TRIM28: variants seen among roughly 807,000 people sequenced by gnomAD.
The protein encoded by TRIM28 is tripartite motif containing 28, also known as transcription intermediary factor 1-beta.
A neutral mutation model predicts 87.4 loss-of-function variants in TRIM28; 8 were observed. The observed-to-expected ratio is 0.09, with a 90% CI of 0.05 to 0.17. TRIM28 has a LOEUF of 0.17. Ranked by LOEUF, TRIM28 falls within the 10% of genes least tolerant of loss-of-function variation. The pLI, the probability that TRIM28 is intolerant of heterozygous loss-of-function variation, is 1.00. For missense variants in TRIM28, 968 were observed against 1,131.8 expected (o/e 0.86, Z 2.08); for synonymous variants, 601 against 454.3 (o/e 1.32, Z -4.11).
Position 58,548,843 on chromosome 19 carries a change from T to C in TRIM28, c.1361-19T>C. 6.2e-7 allele frequency: 1 copy of C among 1,614,042 alleles called. No individual in the cohort carries two copies. The highest frequency in any genetic ancestry group is 1.1e-5 in the South Asian group (1 of 91,084). On this transcript the variant is annotated intron_variant, in intron 10 of 16. Coordinates refer to ENST00000253024, the MANE Select transcript of TRIM28 (RefSeq NM_005762.3). Reference sequence around the variant, plus strand: ...TGTTTCTACCCCAACCTGCCAGTCTTCTTTCTCCATTTTCTAAGGAGATGA... The same window carrying C: ...TGTTTCTACCCCAACCTGCCAGTCTCCTTTCTCCATTTTCTAAGGAGATGA...
At position 58,548,496 on chromosome 19, in the gene TRIM28, G is replaced by A; in HGVS notation, c.1227G>A (p.Val409=). 6.2e-7 allele frequency: 1 copy of A among 1,614,082 alleles called. No homozygotes were observed. Among genetic ancestry groups the A allele is most frequent in the Non-Finnish European group, 8.5e-7 (1 of 1,180,026 alleles). The change falls in exon 9 of 17, where the codon GTG becomes GTA. Residue 409 remains valine (V), a synonymous_variant. Coordinates refer to ENST00000253024, the MANE Select transcript of TRIM28 (RefSeq NM_005762.3). The part of the protein sequence containing the change: ...TKSAEAFGKI[V]AERPGTNSTG... ...CTCTTCTTTTTGCAGGCAAGATTGT[G>A]GCAGAGCGTCCTGGCACTAACTCAA...
rs2053777282 is a variant in TRIM28, at chr19:58,548,081, C to T, written c.1002C>T (p.Thr334=). ...AGCGCCTGGAGCGGCAGCACTGGAC[C>T]ATGACCAAGATCCAGAAGCACCAGG... ...QQERLERQHW[T]MTKIQKHQEH... The change falls in exon 7 of 17, where the codon ACC becomes ACT. Residue 334 remains threonine, a synonymous_variant. Transcript: ENST00000253024. 1.2e-6 allele frequency: 2 copies of T among 1,614,182 alleles called. No homozygotes were observed. The highest frequency in any genetic ancestry group is 1.7e-6 in the Non-Finnish European group (2 of 1,180,024).
At position 58,550,506 on chromosome 19, in the gene TRIM28, G is replaced by C; in HGVS notation, c.2461G>C (p.Gly821Arg). Residue 821 changes from glycine (G) to arginine (R), a missense_variant, in exon 17 of 17, where the codon GGC becomes CGC. Coordinates refer to ENST00000253024, the MANE Select transcript of TRIM28 (RefSeq NM_005762.3). ...EPPPMSLPGA[G>R]LSSQELSGGP... The stretch of plus-strand genomic sequence containing the variant: ...CCCGCCGATGAGCCTGCCTGGTGCT[G>C]GCCTGAGTTCCCAGGAGCTGTCTGG... 2.5e-6 allele frequency: 4 copies of C among 1,612,528 alleles called. No individual in the cohort carries two copies. The highest frequency in any genetic ancestry group is 3.4e-6 in the Non-Finnish European group (4 of 1,179,992).
At position 58,544,741 on chromosome 19, in the gene TRIM28, C is replaced by A; in HGVS notation, c.-17C>A. On this transcript the variant is annotated 5_prime_UTR_variant, in exon 1 of 17. Coordinates refer to ENST00000253024, the MANE Select transcript of TRIM28 (RefSeq NM_005762.3). ...CGCGCCCCTCCTCCCCCCCTGGGCGCCCCCGGCGGCGTGTGAATGGCGGCC... is the reference window on the plus strand; with the variant it reads ...CGCGCCCCTCCTCCCCCCCTGGGCGACCCCGGCGGCGTGTGAATGGCGGCC... 1.9e-6 allele frequency: 2 copies of A among 1,068,584 alleles called. No homozygotes were observed. Among genetic ancestry groups the A allele is most frequent in the Non-Finnish European group, 2.3e-6 (2 of 884,732 alleles). The allele number at this position is 1,068,584 out of a possible 1,614,324, so 66.2% of individuals were successfully genotyped here. A position where few individuals can be genotyped will look rare whatever the true frequency, so the allele number is the denominator to read the frequency against.
rs757495995 is a variant in TRIM28 at position 58,549,340 on chromosome 19, A to G, written c.1672A>G (p.Thr558Ala). ...AGMAIVKEEE[T>A]EAAIGAPPTA... ...CATCACCACCTTGCAGGAGGAGGAG[A>G]CGGAGGCTGCCATTGGAGCCCCTCC... Residue 558 changes from threonine to alanine, a missense_variant, in exon 13 of 17, where the codon ACG (threonine) becomes GCG (alanine). Coordinates refer to ENST00000253024, the MANE Select transcript of TRIM28 (RefSeq NM_005762.3). This position sits in a 1 kb window ranked among gnomAD's most constrained non-coding sequence, Gnocchi z 4.4. 1.5e-5 allele frequency: 23 copies of G among 1,565,586 alleles called. No homozygotes were observed. The highest frequency in any genetic ancestry group is 1.9e-5 in the Non-Finnish European group (22 of 1,152,894).
At chr19:58,545,638 G>C (rs2053754976) in intron 2 of TRIM28, 101 bp downstream of exon 2, 2 of 1,502,946 alleles carry the variant, frequency 1.3e-6, no homozygotes, top group South Asian at 1.2e-5. Context: ...ACTTTCCCAA[G>C]GCTCTGGGTG....
At position 58,549,275 on chromosome 19, in the gene TRIM28, G is replaced by T; in HGVS notation, c.1662+35G>T. The T allele has an allele frequency of 2.5e-6, 4 of 1,600,326 alleles. No homozygotes were observed. Among genetic ancestry groups the T allele is most frequent in the Non-Finnish European group, 3.4e-6 (4 of 1,171,156 alleles). ...TCCCAAGGAACTATAGCTGTAGGAT[G>T]AAGCCTGTAGTCCAGGTCTGGACCC... On this transcript the variant is annotated intron_variant, in intron 12 of 16. Coordinates refer to ENST00000253024, the MANE Select transcript of TRIM28 (RefSeq NM_005762.3). The surrounding 1 kb of genome is among the most constrained non-coding windows in gnomAD (Gnocchi z 4.4).
At chr19:58,545,600 C>T in intron 2 of TRIM28, 63 bp downstream of exon 2, 2 of 1,503,550 alleles carry the variant, frequency 1.3e-6, no homozygotes, top group Non-Finnish European at 1.8e-6. Flanking sequence ...GCAGGAGGAG[C>T]TTGGCACCAG....
chr19:58,549,654 AGT>A lies in TRIM28; in HGVS notation c.1982+8_1982+9del. ...CGGCCCTGCAGGATGTACCAGGGTGAGTGTGAGGCTGGTGGGGGTCAAGTCTG... is the reference window on the plus strand; with the variant it reads ...CGGCCCTGCAGGATGTACCAGGGTGAGTGAGGCTGGTGGGGGTCAAGTCTG... On this transcript the variant is annotated splice_donor_5th_base_variant and intron_variant, in intron 13 of 16. Transcript: ENST00000253024. The surrounding 1 kb of genome is among the most constrained non-coding windows in gnomAD (Gnocchi z 4.4). The A allele has an allele frequency of 1.9e-6, 3 of 1,607,830 alleles. No homozygotes were observed. Among genetic ancestry groups the A allele is most frequent in the Non-Finnish European group, 1.7e-6 (2 of 1,175,204 alleles).
chr19:58,550,440 G>A lies in TRIM28; in HGVS notation c.2395G>A (p.Ala799Thr). The change falls in exon 17 of 17, where the codon GCC (alanine) becomes ACC (threonine). Residue 799 changes from alanine to threonine, a missense_variant. Transcript: ENST00000253024. ...CTTCTTCGAGACGCGCATGAACGAG[G>A]CCTTCGGTGACACCAAGTTCTCTGC... ...QRFFETRMNEAFGDTKFSAVL... is the reference protein window; with the variant it reads ...QRFFETRMNETFGDTKFSAVL... 1 of 1,613,442 alleles carries A rather than the reference G, an allele frequency of 6.2e-7. No individual in the cohort carries two copies. The highest frequency in any genetic ancestry group is 8.5e-7 in the Non-Finnish European group (1 of 1,180,004).
chr19:58,546,988 C>T (rs954581727), intron 3 of TRIM28: 1 of 173,856 alleles, frequency 5.8e-6, no homozygotes, highest in African/African-American at 2.5e-5. Context: ...GAAAAGGAAT[C>T]CAGGGTGGTG....
In TRIM28 at chr19:58,544,853, C is replaced by A; in HGVS notation, c.96C>A (p.Arg32=). 7.7e-7 allele frequency: 1 copy of A among 1,295,558 alleles called. No individual in the cohort carries two copies. The allele number at this position is 1,295,558 out of a possible 1,614,324, so 80.3% of individuals were successfully genotyped here. The change falls in exon 1 of 17, where the codon CGC becomes CGA. Residue 32 remains arginine, a synonymous_variant. Transcript: ENST00000253024. ...PGEGSAGGEK[R]STAPSAAASA... ...AGGGCTCCGCTGGCGGCGAAAAGCG[C>A]TCCACCGCCCCTTCGGCCGCAGCCT... is the stretch of plus-strand genomic sequence containing the variant.
At chr19:58,546,805 A>G (rs1401052554) in intron 3 of TRIM28, among the ~76,000 whole-genome samples, 3 of 152,100 alleles carry the variant, frequency 2.0e-5, no homozygotes, top group Non-Finnish European at 4.4e-5. Flanking sequence ...TATGCTGAGC[A>G]CCAAGATTCT....
chr19:58,548,246 A>G (rs200901448), intron 7 of TRIM28, 48 bp from the exon 8 acceptor site: 6 of 1,613,444 alleles, frequency 3.7e-6, no homozygotes, highest in Admixed American at 3.3e-5. Context: ...TCAAATCCCT[A>G]TTTGTTGTTG....
At position 58,549,895 on chromosome 19, in the gene TRIM28, G is replaced by A. The variant is rs2053799380; in HGVS notation, c.2106+35G>A. 1 of 1,613,734 alleles carries A rather than the reference G, an allele frequency of 6.2e-7. No homozygotes were observed. The highest frequency in any genetic ancestry group is 8.5e-7 in the Non-Finnish European group (1 of 1,179,784). The stretch of plus-strand genomic sequence containing the variant: ...GGGGTTACTTAGGTGGGGTTGCCCA[G>A]AGAGGCTTTATAGGTGCTGCCCAGA... On this transcript the variant is annotated intron_variant, in intron 14 of 16. Coordinates refer to ENST00000253024, the MANE Select transcript of TRIM28 (RefSeq NM_005762.3). This position sits in a 1 kb window ranked among gnomAD's most constrained non-coding sequence, Gnocchi z 4.4.
At chr19:58,548,256 G>A (rs2053778958) in intron 7 of TRIM28, 38 bp from the exon 8 acceptor site, 2 of 1,613,678 alleles carry the variant, frequency 1.2e-6, no homozygotes, top group South Asian at 2.2e-5. Flanking sequence ...ATTTGTTGTT[G>A]GTGTGCTCAT....
rs2053744620 is a variant in TRIM28, at chr19:58,544,772, G to A, written c.15G>A (p.Ala5=). ...GCGGCGTGTGAATGGCGGCCTCCGCGGCGGCAGCCTCGGCAGCAGCGGCCT... is the reference window on the plus strand; with the variant it reads ...GCGGCGTGTGAATGGCGGCCTCCGCAGCGGCAGCCTCGGCAGCAGCGGCCT... MAAS[A]AAASAAAASA... is the part of the protein sequence containing the mutation. The change falls in exon 1 of 17, where the codon GCG becomes GCA. Residue 5 remains alanine (A), a synonymous_variant. Coordinates refer to ENST00000253024, the MANE Select transcript of TRIM28 (RefSeq NM_005762.3). The A allele has an allele frequency of 8.7e-6, 10 of 1,148,800 alleles. No individual in the cohort carries two copies. The highest frequency in any genetic ancestry group is 1.6e-5 in the African/African-American group (1 of 60,978). The allele number at this position is 1,148,800 out of a possible 1,614,324, so 71.2% of individuals were successfully genotyped here.
At position 58,547,471 on chromosome 19, in the gene TRIM28, A is replaced by G; in HGVS notation, c.682A>G (p.Thr228Ala). The change falls in exon 4 of 17, where the codon ACC becomes GCC. Residue 228 changes from threonine to alanine, a missense_variant. Physicochemically the swap from Thr to Ala is moderately conservative, Grantham distance 58. Coordinates refer to ENST00000253024, the MANE Select transcript of TRIM28 (RefSeq NM_005762.3). The stretch of plus-strand genomic sequence containing the variant: ...GTTTTGTGAGAGCTGTGATACTCTC[A>G]CCTGCCGAGACTGCCAGCTCAATGC... ...VLFCESCDTL[T>A]CRDCQLNAHK... 6.2e-7 allele frequency: 1 copy of G among 1,613,084 alleles called. No individual in the cohort carries two copies. Among genetic ancestry groups the G allele is most frequent in the Non-Finnish European group, 8.5e-7 (1 of 1,179,874 alleles).
chr19:58,547,255 A>T, intron 3 of TRIM28, 121 bp from the exon 4 acceptor site: 1 of 1,332,914 alleles, frequency 7.5e-7, no homozygotes, highest in Non-Finnish European at 1.0e-6. Context: ...CACCCTCTAC[A>T]TCTTCCCAAT....
Sources: allele counts gnomAD v4.1 joint callset (sites outside exome capture counted in the v4.1 genomes callset), GRCh38; gene constraint gnomAD v4.1.1; non-coding constraint Gnocchi (gnomAD v3.1); transcripts MANE v1.5; gene names NCBI Gene and HGNC (gene_info 2026-07-23, HGNC 2026-07-21).